ADAMTSL3: variants seen among roughly 807,000 people sequenced by gnomAD.
The protein encoded by ADAMTSL3 is ADAMTS-like protein 3.
Under a neutral mutation model 201.7 loss-of-function variants are expected in ADAMTSL3, and 128 were observed. The observed-to-expected ratio is 0.63, with a 90% CI of 0.55 to 0.73. ADAMTSL3 has a LOEUF of 0.73. ADAMTSL3 is among the 30% of genes least tolerant of loss of function. The probability of loss-of-function intolerance (pLI) is 0.00; values close to 1 mark genes in which losing one functional copy is unlikely to be tolerated. For synonymous variants in ADAMTSL3, 738 were observed against 748.4 expected (o/e 0.99, Z 0.23); for missense variants, 1,990 against 2,119.6 (o/e 0.94, Z 1.20).
At chr15:83,685,974 T>C (rs2061530903) in intron 2 of ADAMTSL3, among the ~76,000 whole-genome samples, 1 of 151,540 alleles carries the variant, frequency 6.6e-6, no homozygotes, top group African/African-American at 2.4e-5. Flanking sequence ...CAATGGGCTC[T>C]TTCCAGCCTC....
intron 3 of ADAMTSL3, among the ~76,000 whole-genome samples, chr15:83,733,527 A>G (rs1036332308): frequency 1.4e-4 from 21 of 152,068 alleles, no homozygotes; most frequent in African/African-American, 4.6e-4. Flanking sequence ...TGTGCATTAC[A>G]TGGGTGGAAT....
At chr15:83,819,477 T>G (rs2063822838) in intron 5 of ADAMTSL3, among the ~76,000 whole-genome samples, 1 of 152,066 alleles carries the variant, frequency 6.6e-6, no homozygotes, top group Admixed American at 6.6e-5. Flanking sequence ...AGATAATGCA[T>G]TTGAAAATTT....
At chr15:83,793,144 GA>G (rs2063369057) in intron 4 of ADAMTSL3, among the ~76,000 whole-genome samples, 1 of 152,142 alleles carries the variant, frequency 6.6e-6, no homozygotes, top group Non-Finnish European at 1.5e-5. Flanking sequence ...TGATCTCGTA[GA>G]AAAAGAGAGT....
intron 8 of ADAMTSL3, among the ~76,000 whole-genome samples, chr15:83,863,295 A>AC (rs1255896888): frequency 6.6e-6 from 1 of 152,248 alleles, no homozygotes; most frequent in East Asian, 1.9e-4. Flanking sequence ...CGAACTCTCC[A>AC]CCCCAAATCA....
chr15:83,975,482 C>T (rs938820171), intron 20 of ADAMTSL3, among the ~76,000 whole-genome samples: 2 of 152,166 alleles, frequency 1.3e-5, no homozygotes, highest in African/African-American at 4.8e-5. Context: ...CCTACCTCAC[C>T]AGCACCCTCT....
intron 3 of ADAMTSL3, among the ~76,000 whole-genome samples, chr15:83,742,026 T>C (rs2062463447): frequency 6.6e-6 from 1 of 152,102 alleles, no homozygotes. Flanking sequence ...GCTTTCTAAG[T>C]AGAAAATATG....
chr15:83,923,249 G>GT (rs2066181265), intron 16 of ADAMTSL3, among the ~76,000 whole-genome samples: 1 of 152,060 alleles, frequency 6.6e-6, no homozygotes, highest in Non-Finnish European at 1.5e-5. Context: ...CTAGACCTCA[G>GT]TTTCCTTAGT....
At chr15:83,788,191 A>G (rs1204536271) in intron 4 of ADAMTSL3, among the ~76,000 whole-genome samples, 1 of 152,044 alleles carries the variant, frequency 6.6e-6, no homozygotes, top group African/African-American at 2.4e-5. Flanking sequence ...TCACTTCACT[A>G]ATTTCATTCA....
chr15:83,834,829 A>C (rs2064232029), intron 6 of ADAMTSL3, among the ~76,000 whole-genome samples: 1 of 152,216 alleles, frequency 6.6e-6, no homozygotes, highest in African/African-American at 2.4e-5. Context: ...GATGTTAATA[A>C]ATTTTATTGA....
At chr15:83,894,228 T>G (rs940459243) in intron 13 of ADAMTSL3, among the ~76,000 whole-genome samples, 9 of 152,180 alleles carry the variant, frequency 5.9e-5, no homozygotes, top group Admixed American at 5.9e-4. Context: ...ATATTAATCT[T>G]TTTCTGATAT....
chr15:83,823,931 C>G (rs967483262), intron 6 of ADAMTSL3, among the ~76,000 whole-genome samples: 3 of 133,174 alleles, frequency 2.3e-5, no homozygotes, highest in Admixed American at 1.6e-4. Flanking sequence ...TCTTCTTCTT[C>G]TTCTTCTTCT....
chr15:83,782,973 ATATATATACATAT>A (rs1455309521), intron 4 of ADAMTSL3, among the ~76,000 whole-genome samples: 1 of 130,856 alleles, frequency 7.6e-6, no homozygotes, highest in Non-Finnish European at 1.8e-5. Context: ...TACATATATT[ATATATATACATAT>A]TATATATACA....
At chr15:83,727,192 C>T (rs930744426) in intron 3 of ADAMTSL3, among the ~76,000 whole-genome samples, 3 of 151,484 alleles carry the variant, frequency 2.0e-5, no homozygotes, top group African/African-American at 4.8e-5. Context: ...TATAGTTGCT[C>T]GTAATAACCA....
chr15:84,002,455 T>C (rs566794064), intron 23 of ADAMTSL3, among the ~76,000 whole-genome samples: 2 of 152,322 alleles, frequency 1.3e-5, no homozygotes, highest in Admixed American at 1.3e-4. Flanking sequence ...CTCAGCCCCA[T>C]GTTAATGTTT....
At chr15:83,739,035 G>A (rs1175178794) in intron 3 of ADAMTSL3, among the ~76,000 whole-genome samples, 3 of 151,370 alleles carry the variant, frequency 2.0e-5, no homozygotes, top group Non-Finnish European at 4.4e-5. Context: ...GACAAAAAAT[G>A]TGGTCAAAGG....
intron 2 of ADAMTSL3, among the ~76,000 whole-genome samples, chr15:83,689,793 T>C (rs984762839): frequency 4.6e-5 from 7 of 152,212 alleles, no homozygotes; most frequent in Non-Finnish European, 4.4e-5. Flanking sequence ...TATTGGGTGT[T>C]CCTTTCTTTT....
chr15:83,819,006 C>T (rs1413865947), intron 5 of ADAMTSL3, among the ~76,000 whole-genome samples: 1 of 152,160 alleles, frequency 6.6e-6, no homozygotes, highest in African/African-American at 2.4e-5. Context: ...GGCACTGTGG[C>T]TCACGCCTTT....
intron 3 of ADAMTSL3, among the ~76,000 whole-genome samples, chr15:83,713,838 T>C (rs559505212): frequency 1.4e-4 from 22 of 152,302 alleles, no homozygotes; most frequent in East Asian, 1.9e-4. Flanking sequence ...GTCAAAAAAG[T>C]GTAGGCACAG....
At chr15:83,911,323 A>C (rs2065928770) in intron 15 of ADAMTSL3, among the ~76,000 whole-genome samples, 1 of 152,198 alleles carries the variant, frequency 6.6e-6, no homozygotes, top group South Asian at 2.1e-4. Flanking sequence ...TAGATAGTGT[A>C]TGTTATAGAC....
Sources: allele counts gnomAD v4.1 joint callset (sites outside exome capture counted in the v4.1 genomes callset), GRCh38; gene constraint gnomAD v4.1.1; transcripts MANE v1.5; gene names NCBI Gene and HGNC (gene_info 2026-07-23, HGNC 2026-07-21).